The following GPC5 variants were observed in gnomAD, a reference collection of about 807,000 sequenced individuals.
GPC5 encodes the protein glypican-5.
GPC5 carries 47 observed loss-of-function variants against 53.9 expected under a neutral mutation model. The ratio of observed to expected loss-of-function variants is 0.87; its 90% CI spans 0.69 to 1.11. The LOEUF (loss-of-function observed/expected upper bound fraction) is 1.11. GPC5 is among the 50% of genes most tolerant of loss of function. The pLI, the probability that GPC5 is intolerant of heterozygous loss-of-function variation, is 0.00. For missense variants in GPC5, 748 were observed against 713.1 expected, an observed-to-expected ratio of 1.05 and a Z score of -0.56; for synonymous variants, 286 against 263.3, an observed-to-expected ratio of 1.09 and a Z score of -0.84.
In GPC5 at chr13:92,592,883, G is replaced by A. The variant is rs76512671; in HGVS notation, c.1562-273399G>A. Among the ~76,000 whole-genome samples, 22 of 150,964 alleles carry A rather than the reference G, an allele frequency of 1.5e-4. No individual in the cohort carries two copies. In the East Asian group the frequency reaches 2.1e-3, roughly 15 times the overall value. ...GAGGGATGGGCGATGTGCATGCTTC[G>A]GTGGCCCTCATGCGTGCCCCTAGCT... is the stretch of plus-strand genomic sequence containing the variant. On this transcript the variant is annotated intron_variant, in intron 7 of 7. Transcript: ENST00000377067.
chr13:92,591,726 A>G (rs749376412), intron 7 of GPC5, among the ~76,000 whole-genome samples: 1 of 152,022 alleles, frequency 6.6e-6, no homozygotes, highest in Non-Finnish European at 1.5e-5. Flanking sequence ...ATATCCTTCG[A>G]CCAACCTTTC....
At chr13:92,317,570 G>A (rs1033124779) in intron 7 of GPC5, among the ~76,000 whole-genome samples, 1 of 151,876 alleles carries the variant, frequency 6.6e-6, no homozygotes. Flanking sequence ...CCTGGCTTAC[G>A]GCAACCTCAG....
At chr13:92,748,311 T>TTTTTTATTATTATTA (rs535585731) in intron 7 of GPC5, among the ~76,000 whole-genome samples, 256 of 142,348 alleles carry the variant, frequency 1.8e-3, no homozygotes, top group African/African-American at 5.6e-3. Context: ...TGCATTTTAT[T>TTTTTTATTATTATTA]TTATTATTAT....
intron 7 of GPC5, among the ~76,000 whole-genome samples, chr13:92,272,487 A>G (rs1328126159): frequency 6.6e-6 from 1 of 152,222 alleles, no homozygotes; most frequent in Non-Finnish European, 1.5e-5. Context: ...TGATTCTGCC[A>G]TCACAGCCAC....
intron 4 of GPC5, among the ~76,000 whole-genome samples, chr13:91,750,758 A>G (rs1484406806): frequency 1.5e-5 from 2 of 131,060 alleles, no homozygotes; most frequent in Non-Finnish European, 3.1e-5. Flanking sequence ...TTGGCTCACC[A>G]CAACCTCTGC....
intron 5 of GPC5, among the ~76,000 whole-genome samples, chr13:91,766,626 G>T (rs1594542061): frequency 6.6e-6 from 1 of 152,316 alleles, no homozygotes; most frequent in South Asian, 2.1e-4. Flanking sequence ...GCTTCGGGAG[G>T]CTGAGGTGGG....
intron 7 of GPC5, among the ~76,000 whole-genome samples, chr13:92,751,870 G>A (rs2139326483): frequency 6.6e-6 from 1 of 152,276 alleles, no homozygotes; most frequent in East Asian, 1.9e-4. Flanking sequence ...TTTCACAACA[G>A]TGGCCAACTA....
intron 6 of GPC5, among the ~76,000 whole-genome samples, chr13:91,920,578 A>G (rs945283889): frequency 6.6e-6 from 1 of 152,244 alleles, no homozygotes; most frequent in Non-Finnish European, 1.5e-5. Flanking sequence ...GCCTACACAC[A>G]CACAGACATG....
At chr13:91,443,181 A>G (rs1446183042) in intron 1 of GPC5, among the ~76,000 whole-genome samples, 1 of 152,130 alleles carries the variant, frequency 6.6e-6, no homozygotes, top group Non-Finnish European at 1.5e-5. Context: ...TCTCCCCAAT[A>G]TTTATATTAA....
chr13:92,573,412 A>C (rs1056557020), intron 7 of GPC5, among the ~76,000 whole-genome samples: 12 of 152,188 alleles, frequency 7.9e-5, no homozygotes, highest in African/African-American at 2.9e-4. Flanking sequence ...TTATTGCCTC[A>C]TTGTACTACT....
chr13:92,022,727 T>C (rs1237889788), intron 6 of GPC5, among the ~76,000 whole-genome samples: 2 of 152,018 alleles, frequency 1.3e-5, no homozygotes, highest in Admixed American at 1.3e-4. Flanking sequence ...GCCCCAAATA[T>C]AAAATAACTT....
chr13:92,573,585 G>C (rs1347915933), intron 7 of GPC5, among the ~76,000 whole-genome samples: 1 of 152,054 alleles, frequency 6.6e-6, no homozygotes, highest in Non-Finnish European at 1.5e-5. Flanking sequence ...CCCGAACAGT[G>C]AGTACATTGT....
chr13:91,748,820 TAGG>T, intron 4 of GPC5, among the ~76,000 whole-genome samples: 1 of 152,126 alleles, frequency 6.6e-6, no homozygotes. Flanking sequence ...GAGAGTAAAG[TAGG>T]AGGAGAAGAC....
At chr13:92,556,512 T>C (rs1458527704) in intron 7 of GPC5, among the ~76,000 whole-genome samples, 1 of 151,748 alleles carries the variant, frequency 6.6e-6, no homozygotes, top group Non-Finnish European at 1.5e-5. Flanking sequence ...AGGCTGTATG[T>C]AGAGACCCAA....
At chr13:91,424,150 C>G (rs949414024) in intron 1 of GPC5, among the ~76,000 whole-genome samples, 3 of 152,040 alleles carry the variant, frequency 2.0e-5, no homozygotes, top group Non-Finnish European at 4.4e-5. Flanking sequence ...GGAACTCTTG[C>G]ACTGTAGTGG....
At chr13:91,623,645 G>C (rs939795901) in intron 2 of GPC5, among the ~76,000 whole-genome samples, 1 of 152,104 alleles carries the variant, frequency 6.6e-6, no homozygotes, top group East Asian at 1.9e-4. Context: ...TATATGGGCT[G>C]CATTTAGTAT....
intron 7 of GPC5, among the ~76,000 whole-genome samples, chr13:92,333,218 C>T (rs922920031): frequency 4.6e-5 from 7 of 152,138 alleles, no homozygotes; most frequent in African/African-American, 1.4e-4. Flanking sequence ...AGGAACTCTA[C>T]CCACTTCTCT....
At chr13:91,819,779 G>A (rs988783513) in intron 5 of GPC5, among the ~76,000 whole-genome samples, 3 of 152,022 alleles carry the variant, frequency 2.0e-5, no homozygotes, top group African/African-American at 7.2e-5. Context: ...GAAATTGCTG[G>A]ATTATAAGTT....
intron 7 of GPC5, among the ~76,000 whole-genome samples, chr13:92,848,360 G>A (rs1028965697): frequency 1.3e-5 from 2 of 151,992 alleles, no homozygotes; most frequent in East Asian, 1.9e-4. Flanking sequence ...CTCCTAGCAT[G>A]AATTCTGTGA....
Sources: gnomAD v4.1 joint callset for allele counts (sites outside exome capture counted in the v4.1 genomes callset) on GRCh38, gnomAD v4.1.1 for gene constraint, MANE v1.5 for transcripts, NCBI Gene and HGNC (gene_info 2026-07-23, HGNC 2026-07-21) for gene names.